Variants in PTPRM observed in about 807,000 individuals in gnomAD.
PTPRM encodes the protein protein tyrosine phosphatase receptor type M.
In PTPRM, 47 loss-of-function variants were observed where a neutral mutation model predicts 186.7. The observed-to-expected ratio is 0.25, with a 90% CI of 0.20 to 0.32. The LOEUF (loss-of-function observed/expected upper bound fraction) is 0.32. Among genes scored for constraint, PTPRM ranks in the 10% least tolerant of loss-of-function variants. The pLI is 1.00. For missense variants in PTPRM, 1,494 were observed against 1,865.0 expected, an observed-to-expected ratio of 0.80 and a Z score of 3.66; for synonymous variants, 668 against 674.9, an observed-to-expected ratio of 0.99 and a Z score of 0.16.
At chr18:7,613,938 T>C (rs1249938606) in intron 1 of PTPRM, among the ~76,000 whole-genome samples, 1 of 152,206 alleles carries the variant, frequency 6.6e-6, no homozygotes, top group Non-Finnish European at 1.5e-5. Flanking sequence ...AGGCTTAACA[T>C]TTATAGTCTT....
At chr18:8,275,210 C>T (rs180925977) in intron 19 of PTPRM, among the ~76,000 whole-genome samples, 6 of 152,030 alleles carry the variant, frequency 3.9e-5, no homozygotes, top group East Asian at 1.9e-4. Flanking sequence ...AGGCCAAGGC[C>T]GGGGAATCAC....
chr18:7,750,229 G>A (rs1332593596), intron 1 of PTPRM, among the ~76,000 whole-genome samples: 2 of 152,154 alleles, frequency 1.3e-5, no homozygotes, highest in Non-Finnish European at 2.9e-5. Flanking sequence ...CTAAATTTAA[G>A]TTTATATCCT....
intron 19 of PTPRM, among the ~76,000 whole-genome samples, chr18:8,295,196 G>A (rs1021263959): frequency 1.3e-5 from 2 of 152,152 alleles, no homozygotes; most frequent in East Asian, 1.9e-4. Context: ...CAGACATCTC[G>A]TGGCGTCTGC....
chr18:7,835,181 C>A (rs575550515), intron 2 of PTPRM, among the ~76,000 whole-genome samples: 1 of 142,596 alleles, frequency 7.0e-6, no homozygotes, highest in South Asian at 2.2e-4. Flanking sequence ...ATTCGTTTGA[C>A]ATTTTTCTTT....
chr18:7,771,159 A>C (rs2035625562), intron 1 of PTPRM, among the ~76,000 whole-genome samples: 1 of 152,294 alleles, frequency 6.6e-6, no homozygotes, highest in Non-Finnish European at 1.5e-5. Flanking sequence ...CCGGGTCTGT[A>C]GCCAGCCTTA....
At position 8,161,587 on chromosome 18, in the gene PTPRM, A is replaced by AT. The variant is rs556252386; in HGVS notation, c.2300+17809dup. 7.2e-5 allele frequency among the ~76,000 whole-genome samples: 11 copies of AT among 152,270 alleles called. No homozygotes were observed. In the South Asian group the frequency reaches 1.2e-3, roughly 17 times the overall value. ...TTGGCAATGAATCACTTTTTAAAGTATGTGTTGGCCAAATAAAATAGATAT... is the reference window on the plus strand; with the variant it reads ...TTGGCAATGAATCACTTTTTAAAGTATTGTGTTGGCCAAATAAAATAGATAT... On this transcript the variant is annotated intron_variant, in intron 14 of 32. Transcript: ENST00000580170.
intron 3 of PTPRM, among the ~76,000 whole-genome samples, chr18:7,891,557 G>A (rs1037066255): frequency 5.3e-5 from 8 of 152,134 alleles, no homozygotes; most frequent in African/African-American, 1.7e-4. Flanking sequence ...TAGGAAATGC[G>A]TTTCATAGGG....
At position 8,088,332 on chromosome 18, in the gene PTPRM, A is replaced by G. The variant is rs149745794; in HGVS notation, c.1754-417A>G. Among the ~76,000 whole-genome samples the G allele has an allele frequency of 4.4e-3, 667 of 152,322 alleles. 2 individuals carry two copies. Among genetic ancestry groups the G allele is most frequent in the African/African-American group, 0.015 (644 of 41,580 alleles). On this transcript the variant is annotated intron_variant, in intron 10 of 32. Coordinates refer to ENST00000580170, the MANE Select transcript of PTPRM (RefSeq NM_001105244.2). ...AAACCTTGATTTAGATGGAATAACT[A>G]TAAAGTCCAATGATTATTTCCTAAA... is the stretch of plus-strand genomic sequence containing the variant.
At chr18:7,956,272 A>C (rs1048107406) in intron 7 of PTPRM, among the ~76,000 whole-genome samples, 2 of 152,234 alleles carry the variant, frequency 1.3e-5, no homozygotes, top group African/African-American at 2.4e-5. Context: ...TACATTTATC[A>C]ATGTTTCATT....
rs540677276 is a variant in PTPRM at position 7,977,867 on chromosome 18, G to A, written c.1132+22453G>A. 2.5e-4 allele frequency among the ~76,000 whole-genome samples: 38 copies of A among 152,298 alleles called. No homozygotes were observed. In the South Asian group the frequency reaches 3.5e-3, roughly 14 times the overall value. ...CCATGAAACAGTGGCAGGCAAACTCGTAGGCTTGAAACTTGATTAAGTCTC... is the reference window on the plus strand; with the variant it reads ...CCATGAAACAGTGGCAGGCAAACTCATAGGCTTGAAACTTGATTAAGTCTC... On this transcript the variant is annotated intron_variant, in intron 7 of 32. Transcript: ENST00000580170.
chr18:8,087,714 A>C (rs1314335737), intron 10 of PTPRM, among the ~76,000 whole-genome samples: 2 of 152,304 alleles, frequency 1.3e-5, no homozygotes. Flanking sequence ...ATAAATTTTA[A>C]TGCTGAGATC....
In PTPRM at chr18:7,906,561, G is replaced by A; in HGVS notation, c.525G>A (p.Val175=). The A allele has an allele frequency of 6.2e-7, 1 of 1,613,056 alleles. No individual in the cohort carries two copies. The highest frequency in any genetic ancestry group is 8.5e-7 in the Non-Finnish European group (1 of 1,178,956). The change falls in exon 4 of 33, where the codon GTG becomes GTA. Residue 175 remains valine (V), a synonymous_variant. Coordinates refer to ENST00000580170, the MANE Select transcript of PTPRM (RefSeq NM_001105244.2). ...AAGGCTATCTCGCTATCGATGAGGTGAAGGTGTTAGGACATCCATGTAGTA... is the reference window on the plus strand; with the variant it reads ...AAGGCTATCTCGCTATCGATGAGGTAAAGGTGTTAGGACATCCATGTAGTA... ...GHQGYLAIDE[V]KVLGHPCTRT... is the part of the protein sequence containing the mutation.
At chr18:8,324,848 G>T (rs528666205) in intron 22 of PTPRM, among the ~76,000 whole-genome samples, 9 of 152,292 alleles carry the variant, frequency 5.9e-5, no homozygotes, top group African/African-American at 2.2e-4. Context: ...CAGCATCAAG[G>T]CTCCTCCCCA....
At chr18:8,183,222 C>CT (rs1298664385) in intron 14 of PTPRM, among the ~76,000 whole-genome samples, 6 of 152,170 alleles carry the variant, frequency 3.9e-5, no homozygotes, top group Admixed American at 6.5e-5. Flanking sequence ...AAGTATGTCA[C>CT]TTTTTTTTCT....
chr18:8,404,611 C>T (rs1010424985), intron 32 of PTPRM: 5 of 152,188 alleles, frequency 3.3e-5, no homozygotes, highest in African/African-American at 1.2e-4. Context: ...TTAGGAGGCA[C>T]TTAAGAAATA....
chr18:7,676,659 G>GTA (rs1398549196), intron 1 of PTPRM, among the ~76,000 whole-genome samples: 47 of 120,916 alleles, frequency 3.9e-4, no homozygotes, highest in Middle Eastern at 8.5e-3. Flanking sequence ...GTGTGTGTGT[G>GTA]TGTATGTGTG....
chr18:7,577,538 G>A (rs1353153813), intron 1 of PTPRM, among the ~76,000 whole-genome samples: 1 of 152,178 alleles, frequency 6.6e-6, no homozygotes, highest in Non-Finnish European at 1.5e-5. Flanking sequence ...AGCTCAGACA[G>A]CATCATGATA....
intron 4 of PTPRM, among the ~76,000 whole-genome samples, chr18:7,920,779 TA>T (rs1350789239): frequency 8.5e-5 from 13 of 152,216 alleles, no homozygotes; most frequent in African/African-American, 2.9e-4. Flanking sequence ...TCTTGTAAGA[TA>T]GATCTAATAG....
chr18:8,345,175 G>A (rs1382857855), intron 23 of PTPRM, among the ~76,000 whole-genome samples: 1 of 152,084 alleles, frequency 6.6e-6, no homozygotes, highest in Non-Finnish European at 1.5e-5. Context: ...TATTAGAAAA[G>A]AAGAAATACC....
Sources: gnomAD v4.1 joint callset for allele counts (sites outside exome capture counted in the v4.1 genomes callset) on GRCh38, gnomAD v4.1.1 for gene constraint, MANE v1.5 for transcripts, NCBI Gene and HGNC (gene_info 2026-07-23, HGNC 2026-07-21) for gene names.